CDC25B: variants seen among roughly 807,000 people sequenced by gnomAD.
CDC25B encodes the protein M-phase inducer phosphatase 2.
A neutral mutation model predicts 69.8 loss-of-function variants in CDC25B; 33 were observed. That is an observed-to-expected ratio of 0.47 (90% CI 0.36 to 0.63). CDC25B has a LOEUF of 0.63. CDC25B is among the 30% of genes least tolerant of loss of function. CDC25B has a pLI of 0.00. For missense variants in CDC25B, 727 were observed against 809.1 expected (o/e 0.90, Z 1.23); for synonymous variants, 341 against 314.6 (o/e 1.08, Z -0.89).
At position 3,801,571 on chromosome 20, in the gene CDC25B, G is replaced by C; in HGVS notation, c.841-151G>C. 26 of 1,031,304 alleles carry C rather than the reference G, an allele frequency of 2.5e-5. No homozygotes were observed. The South Asian group carries it at 4.2e-4, about 17-fold the overall frequency. 63.9% of individuals were successfully genotyped at this position (1,031,304 alleles called of 1,614,324 possible). A position where few individuals can be genotyped will look rare whatever the true frequency, so the allele number is the denominator to read the frequency against. On this transcript the variant is annotated intron_variant, in intron 8 of 15. Coordinates refer to ENST00000245960, the MANE Select transcript of CDC25B (RefSeq NM_021873.4). ...AGAAGAACAGGTGGCTGGTGCCACAGTGGAGGGCGGTTTGGGAGGTAGGGG... is the reference window on the plus strand; with the variant it reads ...AGAAGAACAGGTGGCTGGTGCCACACTGGAGGGCGGTTTGGGAGGTAGGGG...
At chr20:3,800,567 CATT>C in intron 5 of CDC25B, 69 bp downstream of exon 5, 3 of 1,590,748 alleles carry the variant, frequency 1.9e-6, no homozygotes, top group Non-Finnish European at 2.6e-6. Flanking sequence ...GAGCAGGATG[CATT>C]CAGGGATCAC....
Position 3,788,142 on chromosome 20 carries a change from A to AAAAGAAAGAAAGAAAGAAAGAAAGAAAG in CDC25B, c.8+1025_8+1026insAGAAAGAAAGAAAGAAAGAAAGAAAGAA, listed in dbSNP as rs57004606. Among the ~76,000 whole-genome samples, 1,315 of 150,056 alleles carry AAAAGAAAGAAAGAAAGAAAGAAAGAAAG rather than the reference A, an allele frequency of 8.8e-3. 24 individuals are homozygous for AAAAGAAAGAAAGAAAGAAAGAAAGAAAG. The highest frequency in any genetic ancestry group is 0.031 in the African/African-American group (1,243 of 40,506). On this transcript the variant is annotated intron_variant, in intron 1 of 15. Transcript: ENST00000344256. ...AAAGAGTGAGACTCCATCTCAAAAA[A>AAAAGAAAGAAAGAAAGAAAGAAAGAAAG]AAAGAAAGAAAGAAAGAAAGAACCA...
In CDC25B at chr20:3,804,926, C is replaced by A; in HGVS notation, c.1708C>A (p.Arg570=). The change falls in exon 16 of 16, where the codon CGG becomes AGG. Residue 570 remains arginine (R), a synonymous_variant. Coordinates refer to ENST00000245960, the MANE Select transcript of CDC25B (RefSeq NM_021873.4). ...KTRSWAGERS[R]RELCSRLQDQ ...TCGCAGCTGGGCTGGGGAGCGGAGC[C>A]GGCGGGAGCTCTGTAGCCGGCTGCA... 2 of 1,613,636 alleles carry A rather than the reference C, an allele frequency of 1.2e-6. No homozygotes were observed. Among genetic ancestry groups the A allele is most frequent in the Non-Finnish European group, 8.5e-7 (1 of 1,180,022 alleles).
intron 1 of CDC25B, among the ~76,000 whole-genome samples, chr20:3,791,192 C>G (rs2088910134): frequency 6.6e-6 from 1 of 152,198 alleles, no homozygotes; most frequent in Non-Finnish European, 1.5e-5. Context: ...GAACATACAT[C>G]TGTGTGTACT....
chr20:3,799,403 G>A (rs1199003467), intron 3 of CDC25B, among the ~76,000 whole-genome samples: 1 of 152,176 alleles, frequency 6.6e-6, no homozygotes, highest in African/African-American at 2.4e-5. Context: ...GCCCCCCGGG[G>A]GGGCATCCCC....
In CDC25B at chr20:3,796,721, G is replaced by T; in HGVS notation, c.190G>T (p.Gly64Trp). ...CACCCAGACCATGCACGACCTCGCC[G>T]GGCTCGGCAGGTAGGACACCCCAAG... The part of the protein sequence containing the change: ...TLTQTMHDLA[G>W]LGSETPKSQV... The change falls in exon 1 of 16, where the codon GGG becomes TGG. Residue 64 changes from glycine (G) to tryptophan (W), a missense_variant. Around this residue, in one of 2 missense-constraint regions of CDC25B, gnomAD observed 368 missense variants for 345.6 expected, o/e 1.06. Transcript: ENST00000245960. 1 of 1,567,834 alleles carries T rather than the reference G, an allele frequency of 6.4e-7. No homozygotes were observed. Among genetic ancestry groups the T allele is most frequent in the Admixed American group, 1.8e-5 (1 of 56,048 alleles).
chr20:3,801,699 T>C (rs1174828223), intron 8 of CDC25B, 23 bp from the exon 9 acceptor site: 9 of 1,564,704 alleles, frequency 5.8e-6, no homozygotes, highest in Admixed American at 1.9e-5. Flanking sequence ...GTTGTGACCC[T>C]GTCCTTGCTA....
At chr20:3,788,854 C>T (rs901258231) in intron 1 of CDC25B, among the ~76,000 whole-genome samples, 1 of 144,990 alleles carries the variant, frequency 6.9e-6, no homozygotes, top group Admixed American at 7.2e-5. Context: ...CTCTCTTTTC[C>T]TTCCTTTCCT....
Position 3,802,316 on chromosome 20 carries a change from C to T in CDC25B, c.1134C>T (p.His378=), listed in dbSNP as rs560679507. The T allele has an allele frequency of 1.1e-5, 18 of 1,610,184 alleles. No individual in the cohort carries two copies. Among genetic ancestry groups the T allele is most frequent in the Admixed American group, 1.7e-5 (1 of 60,002 alleles). Residue 378 remains histidine, a synonymous_variant, in exon 11 of 16, where the codon CAC becomes CAT. Transcript: ENST00000245960. ...ARVLRSKSLC[H]DEIENLLDSD... ...TCCTCCGCTCAAAATCACTGTGTCA[C>T]GATGAGATCGAGAACCTCCTGGACA... is the stretch of plus-strand genomic sequence containing the variant.
chr20:3,800,724 GC>G lies in CDC25B; in HGVS notation c.460-16del. The stretch of plus-strand genomic sequence containing the variant: ...TGCAGCCTTCATTCCTCTGCCTGCC[GC>G]CCTGCCTGGCTCTCTAGGTGAGGCT... On this transcript the variant is annotated intron_variant, in intron 5 of 15. Transcript: ENST00000245960. 7.1e-7 allele frequency: 1 copy of G among 1,402,922 alleles called. No individual in the cohort carries two copies. 86.9% of individuals were successfully genotyped at this position (1,402,922 alleles called of 1,614,324 possible). A position where few individuals can be genotyped will look rare whatever the true frequency, so the allele number is the denominator to read the frequency against.
upstream of CDC25B, among the ~76,000 whole-genome samples, chr20:3,793,646 T>C (rs993306602): frequency 2.0e-5 from 3 of 150,002 alleles, no homozygotes; most frequent in Non-Finnish European, 3.0e-5. Flanking sequence ...ATGTGCACAA[T>C]GTGCAGGTTA....
At chr20:3,799,467 A>C (rs909272019) in intron 3 of CDC25B, among the ~76,000 whole-genome samples, 1 of 151,294 alleles carries the variant, frequency 6.6e-6, no homozygotes, top group Non-Finnish European at 1.5e-5. Context: ...TGACAGTTAT[A>C]CAGAGTTTCT....
intron 1 of CDC25B, among the ~76,000 whole-genome samples, chr20:3,788,723 C>T (rs535116384): frequency 8.0e-4 from 122 of 152,024 alleles, no homozygotes; most frequent in African/African-American, 2.8e-3. Context: ...TCTTTCTTTC[C>T]TCTCTTTCAT....
chr20:3,791,595 A>T (rs2146651916), upstream of CDC25B, among the ~76,000 whole-genome samples: 1 of 152,206 alleles, frequency 6.6e-6, no homozygotes, highest in Middle Eastern at 3.4e-3. Flanking sequence ...AGGTGGGAGG[A>T]TTGCTTGAAC....
At position 3,802,265 on chromosome 20, in the gene CDC25B, CT is replaced by C. The variant is rs1376607557; in HGVS notation, c.1099-15del. ...GCCCCACCCTGACCCTGGCCTCCAT[CT>C]GACTCACTTTCCAGAAAGCCCGCGT... On this transcript the variant is annotated splice_polypyrimidine_tract_variant and intron_variant, in intron 10 of 15. Transcript: ENST00000245960. 6.2e-7 allele frequency: 1 copy of C among 1,607,698 alleles called. No homozygotes were observed. The highest frequency in any genetic ancestry group is 8.5e-7 in the Non-Finnish European group (1 of 1,176,988).
chr20:3,791,685 A>G (rs1476257559), upstream of CDC25B, among the ~76,000 whole-genome samples: 1 of 152,168 alleles, frequency 6.6e-6, no homozygotes, highest in African/African-American at 2.4e-5. Flanking sequence ...GACTCAAAAC[A>G]AAAACAGAAA....
upstream of CDC25B, among the ~76,000 whole-genome samples, chr20:3,792,243 T>G (rs1360292030): frequency 6.6e-6 from 1 of 150,986 alleles, no homozygotes; most frequent in Admixed American, 6.6e-5. Context: ...GTTTGTATAT[T>G]CTTTAAAATA....
upstream of CDC25B, among the ~76,000 whole-genome samples, chr20:3,791,513 T>C (rs1368921351): frequency 6.6e-6 from 1 of 151,956 alleles, no homozygotes; most frequent in African/African-American, 2.4e-5. Context: ...CAAAACCCAG[T>C]CTCTCCAAAA....
At chr20:3,797,786 T>C (rs3746644) in intron 2 of CDC25B, 37 bp downstream of exon 2, 823,906 of 1,609,622 alleles carry the variant, frequency 0.51, 216,672 homozygotes, top group African/African-American at 0.79. Context: ...TCTGCCTGTG[T>C]CAGGAGAGTT....
Sources: allele counts gnomAD v4.1 joint callset (sites outside exome capture counted in the v4.1 genomes callset), GRCh38; gene constraint gnomAD v4.1.1; regional missense constraint gnomAD v4.1.1; transcripts MANE v1.5; gene names NCBI Gene and HGNC (gene_info 2026-07-23, HGNC 2026-07-21).